DNAJC12: variants seen among roughly 807,000 people sequenced by gnomAD.
DNAJC12 encodes DnaJ heat shock protein family (Hsp40) member C12.
Under a neutral mutation model 28.5 loss-of-function variants are expected in DNAJC12, and 25 were observed. That is an observed-to-expected ratio of 0.88 (90% CI 0.64 to 1.22). The LOEUF (loss-of-function observed/expected upper bound fraction) is 1.22, where lower values mean the gene tolerates loss of function less well. DNAJC12 is among the 50% of genes most tolerant of loss of function. The probability of loss-of-function intolerance (pLI) is 0.00; values close to 1 mark genes in which losing one functional copy is unlikely to be tolerated. For synonymous variants in DNAJC12, 77 were observed against 80.6 expected (o/e 0.95, Z 0.24); for missense variants, 222 against 231.7 (o/e 0.96, Z 0.27).
chr10:67,807,493 TAAA>T (rs74443346), intron 3 of DNAJC12, among the ~76,000 whole-genome samples: 6 of 148,232 alleles, frequency 4.0e-5, no homozygotes, highest in African/African-American at 1.5e-4. Flanking sequence ...CAGCTGGTAT[TAAA>T]AAAAAAAATG....
rs911915001 is a variant in DNAJC12 at position 67,816,193 on chromosome 10, G to A, written c.158-4530C>T. ...TTGCAATAGAATTTGTATTACAACA[G>A]TCACATTTTAAATGTATGCCATTTA... On this transcript the variant is annotated intron_variant, in intron 2 of 4. Transcript: ENST00000225171. 1.0e-5 allele frequency: 4 copies of A among 397,366 alleles called. No homozygotes were observed. In the Admixed American group the frequency reaches 1.8e-4, roughly 18 times the overall value. The allele number at this position is 397,366 out of a possible 1,614,324, so 24.6% of individuals were successfully genotyped here. A position where few individuals can be genotyped will look rare whatever the true frequency, so the allele number is the denominator to read the frequency against.
intron 1 of DNAJC12, 106 bp downstream of exon 1, chr10:67,837,828 G>T: frequency 1.3e-6 from 1 of 762,158 alleles, no homozygotes; most frequent in Non-Finnish European, 2.0e-6. Context: ...GGTTAGGTTT[G>T]TAGGCAATGT....
chr10:67,834,687 C>T (rs1156768926), intron 1 of DNAJC12, among the ~76,000 whole-genome samples: 1 of 152,094 alleles, frequency 6.6e-6, no homozygotes, highest in Non-Finnish European at 1.5e-5. Context: ...ATTAGCTGGG[C>T]ATAGTGGCAT....
chr10:67,821,671 AT>A (rs1333853105), intron 2 of DNAJC12, among the ~76,000 whole-genome samples: 4 of 152,142 alleles, frequency 2.6e-5, no homozygotes, highest in African/African-American at 9.7e-5. Context: ...TGTACATATT[AT>A]TTTTTTCCAT....
intron 4 of DNAJC12, 70 bp from the exon 5 acceptor site, chr10:67,797,280 C>T (rs1424255788): frequency 6.2e-6 from 8 of 1,281,098 alleles, no homozygotes; most frequent in Middle Eastern, 1.8e-4. Context: ...AGTAAAACAG[C>T]TTGGGGATAA....
intron 3 of DNAJC12, among the ~76,000 whole-genome samples, chr10:67,808,017 A>G (rs371694424): frequency 2.0e-5 from 3 of 152,232 alleles, no homozygotes; most frequent in East Asian, 3.8e-4. Flanking sequence ...CAAAGGACTA[A>G]CATCAGAGTG....
chr10:67,821,076 C>A (rs1841977318), intron 2 of DNAJC12, among the ~76,000 whole-genome samples: 1 of 151,686 alleles, frequency 6.6e-6, no homozygotes. Flanking sequence ...AGCCACTGCA[C>A]CCAGCCAAGG....
At chr10:67,810,786 T>C (rs1187002596) in intron 3 of DNAJC12, 1 of 152,216 alleles carries the variant, frequency 6.6e-6, no homozygotes, top group Non-Finnish European at 1.5e-5. Flanking sequence ...AATCATTTTA[T>C]ACACTAATTC....
chr10:67,811,171 TG>T, intron 3 of DNAJC12: 4 of 511,828 alleles, frequency 7.8e-6, no homozygotes, highest in Non-Finnish European at 1.0e-5. Flanking sequence ...ACTAAAAAGA[TG>T]GAGAATGTGA....
At position 67,805,673 on chromosome 10, in the gene DNAJC12, CT is replaced by C. The variant is rs1020874600; in HGVS notation, c.411del (p.Glu138ArgfsTer18). Reference sequence around the variant, plus strand: ...TTCTCTGCGGTTGAAGCCAGCTCCTCTTTCTTTCTTTCTCTTTGCTCATTAC... The same window carrying C: ...TTCTCTGCGGTTGAAGCCAGCTCCTCTTCTTTCTTTCTCTTTGCTCATTAC... Reference protein sequence around the residue: ...EECNEQRERKKEELASTAEKT... With the variant: ...EECNEQRERKXEELASTAEKT... On this transcript the variant is annotated frameshift_variant, in exon 4 of 5. Coordinates refer to ENST00000225171, the MANE Select transcript of DNAJC12 (RefSeq NM_021800.3). LOFTEE classifies it high-confidence loss of function. 3.7e-6 allele frequency: 6 copies of C among 1,612,262 alleles called. No individual in the cohort carries two copies. In the African/African-American group the frequency reaches 4.0e-5, roughly 11 times the overall value.
At chr10:67,802,973 C>T (rs1436890918) in intron 4 of DNAJC12, among the ~76,000 whole-genome samples, 3 of 150,900 alleles carry the variant, frequency 2.0e-5, no homozygotes, top group African/African-American at 4.9e-5. Context: ...GCTCAAGTAA[C>T]GGGATTACAG....
intron 4 of DNAJC12, among the ~76,000 whole-genome samples, chr10:67,800,301 T>C (rs1305630773): frequency 6.7e-6 from 1 of 150,248 alleles, no homozygotes; most frequent in Non-Finnish European, 1.5e-5. Context: ...CTTAGCAGAA[T>C]GAGAACCAAA....
At chr10:67,809,019 T>C (rs963778286) in intron 3 of DNAJC12, among the ~76,000 whole-genome samples, 2 of 152,124 alleles carry the variant, frequency 1.3e-5, no homozygotes, top group Admixed American at 1.3e-4. Context: ...AGCAGACAAA[T>C]AGGTCCACAC....
rs1246754972 is a variant in DNAJC12 at position 67,826,581 on chromosome 10, TC to T, written c.79-3190del. Reference sequence around the variant, plus strand: ...TATCTAATAATATATATAATATATATCATCTAATGATATATATAAGATATCT... The same window carrying T: ...TATCTAATAATATATATAATATATATATCTAATGATATATATAAGATATCT... On this transcript the variant is annotated intron_variant, in intron 1 of 4. Transcript: ENST00000225171. Among the ~76,000 whole-genome samples, 27 of 139,178 alleles carry T rather than the reference TC, an allele frequency of 1.9e-4. No homozygotes were observed. The Admixed American group carries it at 2.0e-3, about 11-fold the overall frequency. The allele number at this position is 139,178 out of a possible 152,430, so 91.3% of individuals were successfully genotyped here.
At chr10:67,831,785 C>T (rs1246285233) in intron 1 of DNAJC12, among the ~76,000 whole-genome samples, 1 of 152,134 alleles carries the variant, frequency 6.6e-6, no homozygotes, top group East Asian at 1.9e-4. Flanking sequence ...TTGTTCCCCA[C>T]CCTATGTCAC....
At chr10:67,810,857 T>C (rs1344307514) in intron 3 of DNAJC12, 5 of 152,220 alleles carry the variant, frequency 3.3e-5, no homozygotes, top group Non-Finnish European at 7.3e-5. Context: ...TCCCATGTCA[T>C]AGAAAAGTGT....
Position 67,801,211 on chromosome 10 carries a change from C to G in DNAJC12, c.503-4001G>C, listed in dbSNP as rs149830804. On this transcript the variant is annotated intron_variant, in intron 4 of 4. Transcript: ENST00000225171. ...CAAATTCCAAAGTGAATATCTAGCA[C>G]TGCTTGAGGAAATTAGCAAATATGC... Among the ~76,000 whole-genome samples the G allele has an allele frequency of 3.3e-3, 501 of 152,218 alleles. 4 individuals are homozygous for G. The highest frequency in any genetic ancestry group is 0.011 in the African/African-American group (473 of 41,530).
intron 1 of DNAJC12, among the ~76,000 whole-genome samples, chr10:67,832,069 C>A (rs912727610): frequency 6.6e-6 from 1 of 152,046 alleles, no homozygotes; most frequent in African/African-American, 2.4e-5. Context: ...AGTCTGAGAC[C>A]GGCCTGACCA....
In DNAJC12 at chr10:67,811,682, A is replaced by C. The variant is rs1841862319; in HGVS notation, c.158-19T>G. 3 of 1,607,974 alleles carry C rather than the reference A, an allele frequency of 1.9e-6. No homozygotes were observed. The highest frequency in any genetic ancestry group is 2.5e-6 in the Non-Finnish European group (3 of 1,176,684). ...GTCTCCACTGGAAAACAAATCAAGA[A>C]ATGAGCACTTCTCTCTCGGAGAGGA... On this transcript the variant is annotated intron_variant, in intron 2 of 4. Transcript: ENST00000225171.
Sources: gnomAD v4.1 joint callset for allele counts (sites outside exome capture counted in the v4.1 genomes callset) on GRCh38, gnomAD v4.1.1 for gene constraint, MANE v1.5 for transcripts, NCBI Gene and HGNC (gene_info 2026-07-23, HGNC 2026-07-21) for gene names.